Variants in PCDHA8 observed in about 807,000 individuals in gnomAD.
PCDHA8 encodes protocadherin alpha-8.
A neutral mutation model predicts 61.8 loss-of-function variants in PCDHA8; 53 were observed. The ratio of observed to expected loss-of-function variants is 0.86; its 90% CI spans 0.69 to 1.08. The LOEUF (loss-of-function observed/expected upper bound fraction) is 1.08. Among genes scored for constraint, PCDHA8 ranks in the 50% least tolerant of loss-of-function variants. The pLI is 0.00. For synonymous variants in PCDHA8, 618 were observed against 556.6 expected, an observed-to-expected ratio of 1.11 and a Z score of -1.55; for missense variants, 1,293 against 1,245.0, an observed-to-expected ratio of 1.04 and a Z score of -0.58.
chr5:140,899,936 T>A (rs1443562291), intron 1 of PCDHA8, among the ~76,000 whole-genome samples: 1 of 152,064 alleles, frequency 6.6e-6, no homozygotes, highest in Non-Finnish European at 1.5e-5. Context: ...GCCTCCTGAA[T>A]AGCTGGGACC....
At chr5:140,850,181 G>C in intron 1 of PCDHA8, 1 of 1,593,852 alleles carries the variant, frequency 6.3e-7, no homozygotes, top group South Asian at 1.1e-5. Context: ...ACGACAATGC[G>C]CCGGCGCTGC....
chr5:140,880,365 C>A (rs1462418898), intron 1 of PCDHA8, among the ~76,000 whole-genome samples: 1 of 151,976 alleles, frequency 6.6e-6, no homozygotes, highest in Non-Finnish European at 1.5e-5. Flanking sequence ...TAGATGAAAA[C>A]CATGAGAGAA....
intron 1 of PCDHA8, chr5:140,851,035 A>G: frequency 7.1e-7 from 1 of 1,400,972 alleles, no homozygotes; most frequent in Non-Finnish European, 9.4e-7. Context: ...ACCCCTTAAC[A>G]TTGGAGCCGA....
At chr5:140,983,438 C>T (rs1233600670) in intron 3 of PCDHA8, among the ~76,000 whole-genome samples, 2 of 152,224 alleles carry the variant, frequency 1.3e-5, no homozygotes, top group Non-Finnish European at 2.9e-5. Flanking sequence ...ATTGTGTCTA[C>T]TCTAATCCTC....
Position 140,843,536 on chromosome 5 carries a change from C to G in PCDHA8, c.2215C>G (p.Leu739Val). 1 of 1,595,956 alleles carries G rather than the reference C, an allele frequency of 6.3e-7. No homozygotes were observed. Among genetic ancestry groups the G allele is most frequent in the Non-Finnish European group, 8.6e-7 (1 of 1,165,468 alleles). The stretch of plus-strand genomic sequence containing the variant: ...CGGGTGCCGGGCGGGCAAGCCCACT[C>G]TGGTGTGCTCCAGTGCGGTGGGGAG... ...EGGCRAGKPT[L>V]VCSSAVGSWS... The change falls in exon 1 of 4, where the codon CTG becomes GTG. Residue 739 changes from leucine (L) to valine (V), a missense_variant. Transcript: ENST00000531613.
chr5:140,956,707 C>T (rs1461272130), intron 1 of PCDHA8, among the ~76,000 whole-genome samples: 9 of 152,120 alleles, frequency 5.9e-5, no homozygotes, highest in Non-Finnish European at 1.3e-4. Flanking sequence ...TTTGGAATAG[C>T]TTCAGAAGAA....
chr5:141,000,389 C>CTATATA (rs2097911342), intron 3 of PCDHA8, among the ~76,000 whole-genome samples: 2 of 62,586 alleles, frequency 3.2e-5, no homozygotes, highest in African/African-American at 7.0e-5. Flanking sequence ...CTCTCTCTCT[C>CTATATA]TCTCTCTATA....
At chr5:140,991,422 T>G (rs140209692) in intron 3 of PCDHA8, among the ~76,000 whole-genome samples, 7 of 152,330 alleles carry the variant, frequency 4.6e-5, no homozygotes, top group Admixed American at 1.3e-4. Context: ...TATAACAAAT[T>G]AACCATAAAC....
At chr5:140,943,248 ACT>A (rs1250099362) in intron 1 of PCDHA8, among the ~76,000 whole-genome samples, 2 of 133,008 alleles carry the variant, frequency 1.5e-5, no homozygotes, top group Non-Finnish European at 3.1e-5. Flanking sequence ...ACAGAGTGAG[ACT>A]CTGTCTCAAA....
chr5:140,897,361 G>A (rs1455815825), intron 1 of PCDHA8, among the ~76,000 whole-genome samples: 1 of 123,218 alleles, frequency 8.1e-6, no homozygotes, highest in Non-Finnish European at 1.6e-5. Context: ...TGTCCCCAGA[G>A]TGTGATGTTC....
At chr5:140,966,741 G>T in intron 1 of PCDHA8, 1 of 1,421,322 alleles carries the variant, frequency 7.0e-7, no homozygotes, top group Non-Finnish European at 9.1e-7. Flanking sequence ...GGCCCTGCCC[G>T]GCTGCCTCCG....
rs17844337 is a variant in PCDHA8 at position 140,851,004 on chromosome 5, A to AT, written c.2394+7297dup. The AT allele has an allele frequency of 8.9e-5, 128 of 1,434,992 alleles. 10 individuals are homozygous for AT. Among genetic ancestry groups the AT allele is most frequent in the East Asian group, 7.3e-4 (30 of 41,268 alleles). 88.9% of individuals were successfully genotyped at this position (1,434,992 alleles called of 1,614,324 possible). ...ATTCATTTTTCTAGAAATCCAGCAG[A>AT]TTTTTTTTCTGATAAAGTAAACCCC... On this transcript the variant is annotated intron_variant, in intron 1 of 3. Coordinates refer to ENST00000531613, the MANE Select transcript of PCDHA8 (RefSeq NM_018911.3).
At chr5:140,988,043 A>G (rs2153870251) in intron 3 of PCDHA8, among the ~76,000 whole-genome samples, 1 of 152,336 alleles carries the variant, frequency 6.6e-6, no homozygotes, top group Non-Finnish European at 1.5e-5. Context: ...GAATCTGTTT[A>G]GGAGCACTGT....
At chr5:140,849,809 G>A (rs147465571) in intron 1 of PCDHA8, 3 of 1,598,384 alleles carry the variant, frequency 1.9e-6, no homozygotes, top group East Asian at 2.2e-5. Context: ...TGTGGGCCAC[G>A]GCCAGGGTGT....
rs562721543 is a variant in PCDHA8, at chr5:140,968,426, A to G, written c.2395-10523A>G. ...CTTTGTGACTGTGGAGGCTCAGGAC[A>G]AGGGGAGCCCACCACTGAGCAGCAC... On this transcript the variant is annotated intron_variant, in intron 1 of 3. Transcript: ENST00000531613. 135 of 1,614,020 alleles carry G rather than the reference A, an allele frequency of 8.4e-5. 2 individuals carry two copies. In the South Asian group the frequency reaches 1.4e-3, roughly 16 times the overall value.
intron 1 of PCDHA8, chr5:140,864,396 G>T (rs2048459702): frequency 6.6e-6 from 1 of 152,210 alleles, no homozygotes; most frequent in South Asian, 2.1e-4. Flanking sequence ...CACAAATGGT[G>T]ATGAGCAGGG....
intron 1 of PCDHA8, among the ~76,000 whole-genome samples, chr5:140,944,592 C>T (rs1225606041): frequency 2.6e-5 from 4 of 152,086 alleles, no homozygotes; most frequent in Non-Finnish European, 4.4e-5. Flanking sequence ...CAGAATTTCC[C>T]TGGGTAGAGT....
intron 1 of PCDHA8, chr5:140,850,438 T>C (rs1554144332): frequency 6.3e-7 from 1 of 1,597,768 alleles, no homozygotes; most frequent in Admixed American, 1.7e-5. Flanking sequence ...CAGCGCCTAC[T>C]GGTGCTGGTG....
In PCDHA8 at chr5:140,843,066, C is replaced by G. The variant is rs2150351563; in HGVS notation, c.1745C>G (p.Pro582Arg). 18 of 1,595,216 alleles carry G rather than the reference C, an allele frequency of 1.1e-5. 2 individuals are homozygous for G. Among genetic ancestry groups the G allele is most frequent in the East Asian group, 4.5e-5 (2 of 44,812 alleles). The change falls in exon 1 of 4, where the codon CCG (proline) becomes CGG (arginine). Residue 582 changes from proline (P) to arginine (R), a missense_variant. Coordinates refer to ENST00000531613, the MANE Select transcript of PCDHA8 (RefSeq NM_018911.3). ...GTGGAASKLV[P>R]RSVGAGHVVA... ...GGTGGCGCAGCGAGCAAGCTGGTGC[C>G]GCGGTCTGTGGGCGCGGGCCACGTG...
Sources: allele counts gnomAD v4.1 joint callset (sites outside exome capture counted in the v4.1 genomes callset), GRCh38; gene constraint gnomAD v4.1.1; transcripts MANE v1.5; gene names NCBI Gene and HGNC (gene_info 2026-07-23, HGNC 2026-07-21).